ADK: variants seen among roughly 807,000 people sequenced by gnomAD.
ADK encodes the protein N6,N6-dimethyladenosine kinase.
In ADK, 24 loss-of-function variants were observed where a neutral mutation model predicts 44.7. The observed-to-expected ratio is 0.54, with a 90% CI of 0.39 to 0.76. The LOEUF is 0.76. ADK is among the 30% of genes least tolerant of loss of function. The pLI is 0.00. For synonymous variants in ADK, 128 were observed against 142.6 expected (o/e 0.90, Z 0.73); for missense variants, 321 against 425.1 (o/e 0.76, Z 2.15).
intron 3 of ADK, among the ~76,000 whole-genome samples, chr10:74,290,086 ACACACACACACACACT>A (rs1847350930): frequency 6.6e-6 from 1 of 151,824 alleles, no homozygotes; most frequent in African/African-American, 2.4e-5. Flanking sequence ...GCGCACACAC[ACACACACACACACACT>A]CACACACACT....
chr10:74,390,214 T>A (rs1324515660), intron 4 of ADK, among the ~76,000 whole-genome samples: 1 of 152,106 alleles, frequency 6.6e-6, no homozygotes, highest in East Asian at 1.9e-4. Flanking sequence ...CTGTTAAATT[T>A]ATACTTTCAC....
intron 3 of ADK, among the ~76,000 whole-genome samples, chr10:74,286,635 T>G (rs942802120): frequency 2.0e-5 from 3 of 152,218 alleles, no homozygotes; most frequent in Non-Finnish European, 2.9e-5. Context: ...CACAACAGAC[T>G]CTTGAGGAAG....
intron 7 of ADK, among the ~76,000 whole-genome samples, chr10:74,549,901 C>T (rs145027846): frequency 1.1e-3 from 172 of 152,192 alleles, no homozygotes; most frequent in African/African-American, 3.6e-3. Flanking sequence ...ACATAAAAGA[C>T]GATTTCCTGA....
chr10:74,524,240 T>C lies in ADK; in HGVS notation c.556-1016T>C, dbSNP rs555680791. ...CATTTTAAATGCAGCTTTCCTGACA[T>C]GAAATTTTAAAGAAATTTAAAGAAA... On this transcript the variant is annotated intron_variant, in intron 6 of 10. Transcript: ENST00000539909. 5.0e-3 allele frequency among the ~76,000 whole-genome samples: 759 copies of C among 152,304 alleles called. 10 individuals carry two copies. Among genetic ancestry groups the C allele is most frequent in the African/African-American group, 0.017 (712 of 41,566 alleles).
chr10:74,291,714 T>C (rs1015544148), intron 3 of ADK, among the ~76,000 whole-genome samples: 4 of 151,250 alleles, frequency 2.6e-5, no homozygotes, highest in African/African-American at 9.7e-5. Context: ...TCTACTTTAG[T>C]ATGATAGCTT....
chr10:74,697,293 C>A, intron 10 of ADK, among the ~76,000 whole-genome samples: 1 of 152,076 alleles, frequency 6.6e-6, no homozygotes, highest in East Asian at 1.9e-4. Flanking sequence ...AATCCCAGCA[C>A]TTTGGGAGGC....
chr10:74,422,429 A>G (rs570373161), intron 6 of ADK, among the ~76,000 whole-genome samples: 43 of 152,362 alleles, frequency 2.8e-4, no homozygotes, highest in African/African-American at 9.6e-4. Flanking sequence ...GAAATAGGAT[A>G]TTAGTGTAAA....
chr10:74,454,226 G>T (rs578097403), intron 6 of ADK, among the ~76,000 whole-genome samples: 1 of 152,110 alleles, frequency 6.6e-6, no homozygotes, highest in South Asian at 2.1e-4. Flanking sequence ...GGCATACTTT[G>T]TTACAGTACT....
chr10:74,361,551 G>A (rs12416497), intron 4 of ADK, among the ~76,000 whole-genome samples: 11,500 of 152,210 alleles, frequency 0.076, 729 homozygotes, highest in East Asian at 0.27. Flanking sequence ...AATTTCTGAT[G>A]TCACAGTTCA....
intron 6 of ADK, among the ~76,000 whole-genome samples, chr10:74,409,414 C>G (rs923775462): frequency 5.3e-5 from 8 of 152,026 alleles, no homozygotes; most frequent in African/African-American, 1.9e-4. Context: ...AAATTTGTAC[C>G]CTGTTTCATG....
At chr10:74,570,173 A>G (rs370546105) in intron 7 of ADK, among the ~76,000 whole-genome samples, 5,644 of 150,570 alleles carry the variant, frequency 0.037, 344 homozygotes, top group African/African-American at 0.12. Context: ...TTTGGTTACT[A>G]TAGCCTTGTA....
intron 3 of ADK, among the ~76,000 whole-genome samples, chr10:74,251,510 G>A (rs1379481601): frequency 3.3e-5 from 5 of 152,122 alleles, no homozygotes; most frequent in Admixed American, 3.3e-4. Context: ...TACTTCCTGT[G>A]AAGTTTAGGT....
chr10:74,256,665 A>G (rs905051868), intron 3 of ADK, among the ~76,000 whole-genome samples: 1 of 152,200 alleles, frequency 6.6e-6, no homozygotes, highest in African/African-American at 2.4e-5. Context: ...TGATTGCTCC[A>G]TCATCTTGGG....
chr10:74,212,604 T>C (rs982663386), intron 2 of ADK, among the ~76,000 whole-genome samples: 12 of 152,230 alleles, frequency 7.9e-5, no homozygotes, highest in Non-Finnish European at 1.5e-4. Context: ...GTTTGGCATA[T>C]GTTAGCTAAT....
chr10:74,174,044 T>G (rs1287658972), intron 1 of ADK, among the ~76,000 whole-genome samples: 2 of 151,852 alleles, frequency 1.3e-5, no homozygotes, highest in East Asian at 3.9e-4. Context: ...GGCTCATGCC[T>G]GTATTCCCAG....
chr10:74,570,884 T>C (rs1443896689), intron 7 of ADK, among the ~76,000 whole-genome samples: 1 of 152,236 alleles, frequency 6.6e-6, no homozygotes, highest in African/African-American at 2.4e-5. Context: ...AAGGGAATGC[T>C]TCCAGTTTTT....
At chr10:74,595,715 C>CA (rs747851743) in intron 8 of ADK, among the ~76,000 whole-genome samples, 120,529 of 120,604 alleles carry the variant, frequency 1, 60,227 homozygotes, top group Middle Eastern at 1. Flanking sequence ...GGCTATATGG[C>CA]CGGGTGTGGT....
At chr10:74,202,902 G>C (rs1843450308) in intron 2 of ADK, among the ~76,000 whole-genome samples, 1 of 152,126 alleles carries the variant, frequency 6.6e-6, no homozygotes, top group African/African-American at 2.4e-5. Flanking sequence ...CCATTCTGGG[G>C]ATTTACTTTA....
At chr10:74,267,914 A>G (rs773835232) in intron 3 of ADK, among the ~76,000 whole-genome samples, 16 of 152,096 alleles carry the variant, frequency 1.1e-4, no homozygotes, top group African/African-American at 3.6e-4. Flanking sequence ...ACTGCTGGAA[A>G]TTTATGGATT....
Sources: allele counts gnomAD v4.1 joint callset (sites outside exome capture counted in the v4.1 genomes callset), GRCh38; gene constraint gnomAD v4.1.1; transcripts MANE v1.5; gene names NCBI Gene and HGNC (gene_info 2026-07-23, HGNC 2026-07-21).